PORCN: variants seen among roughly 807,000 people sequenced by gnomAD.
PORCN encodes the protein porcupine O-acyltransferase, also known as protein-serine O-palmitoleoyltransferase porcupine.
PORCN carries 1 observed loss-of-function variant against 43.0 expected under a neutral mutation model. The ratio of observed to expected loss-of-function variants is 0.02; its 90% CI spans 0.01 to 0.11. The LOEUF (loss-of-function observed/expected upper bound fraction) is 0.11. PORCN is among the 10% of genes least tolerant of loss of function. The pLI, the probability that PORCN is intolerant of heterozygous loss-of-function variation, is 1.00. For synonymous variants in PORCN, 148 were observed against 166.4 expected (o/e 0.89, Z 0.85); for missense variants, 240 against 392.1 (o/e 0.61, Z 3.28).
At chrX:48,513,866 G>A (rs1465647066) in intron 7 of PORCN, among the ~76,000 whole-genome samples, 3 of 112,466 alleles carry the variant, frequency 2.7e-5, no homozygotes, top group Non-Finnish European at 5.6e-5. Context: ...GTGAAGTCGG[G>A]CCTCTGATGG....
chrX:48,509,724 A>G, intron 1 of PORCN, 60 bp from the exon 2 acceptor site: 1 of 1,168,572 alleles, frequency 8.6e-7, no homozygotes, highest in Non-Finnish European at 1.1e-6. Context: ...GCCAGAGTGC[A>G]TCCTTTAAGC....
intron 13 of PORCN, among the ~76,000 whole-genome samples, chrX:48,516,389 T>G (rs1223134331): frequency 9.0e-6 from 1 of 111,678 alleles, no homozygotes. Flanking sequence ...GTTGGTGCTC[T>G]AGGTGCTGGA....
intron 14 of PORCN, among the ~76,000 whole-genome samples, chrX:48,517,620 C>G (rs1556975707): frequency 8.9e-6 from 1 of 112,235 alleles, no homozygotes; most frequent in Non-Finnish European, 1.9e-5. Context: ...GAGTTCAAGA[C>G]CAGCCTGGCC....
rs782256540 is a variant in PORCN, at chrX:48,514,367, T to TG, written c.845+9dup. 8.3e-6 allele frequency: 10 copies of TG among 1,205,706 alleles called. No homozygotes were observed. The highest frequency in any genetic ancestry group is 1.7e-5 in the African/African-American group (1 of 57,509). The stretch of plus-strand genomic sequence containing the variant: ...CGAGGAGAAGGATCACCTGGAATGG[T>TG]GGGGGGGCTTGGGGACCCCCTCTCC... On this transcript the variant is annotated splice_region_variant and intron_variant, in intron 9 of 14. Transcript: ENST00000326194.
chrX:48,511,186 T>G, intron 2 of PORCN, 109 bp from the exon 3 acceptor site: 32 of 680,618 alleles, frequency 4.7e-5, no homozygotes, highest in East Asian at 1.5e-4. Flanking sequence ...AACCTTCTCT[T>G]TCTTGTTCTC....
rs1556973874 is a variant in PORCN at position 48,511,440 on chromosome X, T to A, written c.282T>A (p.His94Gln). 3 of 1,210,895 alleles carry A rather than the reference T, an allele frequency of 2.5e-6. No individual in the cohort carries two copies. The highest frequency in any genetic ancestry group is 3.4e-6 in the Non-Finnish European group (3 of 895,173). ...LVLFLCRHSS[H>Q]RGVFLSVTIL... ...TGTTCCTCTGCCGACATTCCTCCCA[T>A]CGAGGCGTCTTCCTATCCGTCACCA... Residue 94 changes from histidine (H) to glutamine (Q), a missense_variant, in exon 3 of 15, where the codon CAT (histidine) becomes CAA (glutamine). Transcript: ENST00000326194.
At chrX:48,514,725 A>G in intron 10 of PORCN, 100 bp downstream of exon 10, 1 of 661,995 alleles carries the variant, frequency 1.5e-6, no homozygotes, top group African/African-American at 2.1e-5. Context: ...TAGGCACCCA[A>G]AATCCCTACC....
rs968374849 is a variant in PORCN at position 48,512,375 on chromosome X, G to A, written c.423G>A (p.Leu141=). The part of the protein sequence containing the change: ...AMKAVSLGFD[L]DRGEVGTVPS... The stretch of plus-strand genomic sequence containing the variant: ...AGGCAGTGTCTCTGGGCTTCGACCT[G>A]GACCGGGGCGAGGTGGGTACGGTGC... Residue 141 remains leucine, a synonymous_variant, in exon 5 of 15, where the codon CTG becomes CTA. Transcript: ENST00000326194. 5 of 1,210,313 alleles carry A rather than the reference G, an allele frequency of 4.1e-6. No individual in the cohort carries two copies. The highest frequency in any genetic ancestry group is 5.6e-6 in the Non-Finnish European group (5 of 895,268).
intron 10 of PORCN, among the ~76,000 whole-genome samples, chrX:48,514,876 C>T (rs1226552113): frequency 1.8e-5 from 2 of 111,459 alleles, no homozygotes; most frequent in African/African-American, 6.5e-5. Context: ...GGAGTGCTGG[C>T]AGGAGATAGG....
intron 11 of PORCN, 28 bp from the exon 12 acceptor site, chrX:48,515,862 C>T: frequency 8.3e-7 from 1 of 1,209,298 alleles, no homozygotes; most frequent in Non-Finnish European, 1.1e-6. Flanking sequence ...CTTCCTCACT[C>T]ATTTCATTGT....
chrX:48,517,811 C>CA (rs782590111), intron 14 of PORCN, among the ~76,000 whole-genome samples: 2,623 of 102,963 alleles, frequency 0.025, 92 homozygotes, highest in African/African-American at 0.082. Context: ...GAGACTCTCT[C>CA]AAAAAAAAAA....
At chrX:48,509,576 CT>C (rs1556973413) in intron 1 of PORCN, 3 of 1,110,559 alleles carry the variant, frequency 2.7e-6, no homozygotes, top group Non-Finnish European at 3.6e-6. Context: ...AGGTCACAGG[CT>C]GTGCGTGTGC....
rs782051492 is a variant in PORCN at position 48,514,561 on chromosome X, G to T, written c.882G>T (p.Leu294=). ...TGTCCAAGCCACTGAATGTGGAGCT[G>T]CCTCGGTCAATGGTGGAAGTTGTCA... ...LTVSKPLNVE[L]PRSMVEVVTS... Residue 294 remains leucine, a synonymous_variant, in exon 10 of 15, where the codon CTG becomes CTT. Coordinates refer to ENST00000326194, the MANE Select transcript of PORCN (RefSeq NM_203475.3). 5 of 1,212,003 alleles carry T rather than the reference G, an allele frequency of 4.1e-6. No individual in the cohort carries two copies. The highest frequency in any genetic ancestry group is 5.6e-6 in the Non-Finnish European group (5 of 895,394).
intron 10 of PORCN, chrX:48,515,406 G>T: frequency 2.7e-6 from 1 of 372,772 alleles, no homozygotes; most frequent in Non-Finnish European, 4.8e-6. Flanking sequence ...GGCATATTCT[G>T]AAGGTGGAAC....
intron 10 of PORCN, chrX:48,515,438 G>C: frequency 2.4e-6 from 1 of 414,384 alleles, no homozygotes; most frequent in Non-Finnish European, 4.2e-6. Context: ...GCTGAATTTG[G>C]ATGTGGGAGT....
chrX:48,511,447 G>T lies in PORCN; in HGVS notation c.289G>T (p.Val97Phe). 8.3e-7 allele frequency: 1 copy of T among 1,211,033 alleles called. No individual in the cohort carries two copies. The highest frequency in any genetic ancestry group is 1.1e-6 in the Non-Finnish European group (1 of 895,112). The change falls in exon 3 of 15, where the codon GTC (valine) becomes TTC (phenylalanine). Residue 97 changes from valine to phenylalanine, a missense_variant. Coordinates refer to ENST00000326194, the MANE Select transcript of PORCN (RefSeq NM_203475.3). The stretch of plus-strand genomic sequence containing the variant: ...CTGCCGACATTCCTCCCATCGAGGC[G>T]TCTTCCTATCCGTCACCATCCTCAT... ...FLCRHSSHRGVFLSVTILIYL... is the reference protein window; with the variant it reads ...FLCRHSSHRGFFLSVTILIYL...
chrX:48,511,643 A>G (rs1556973915), intron 3 of PORCN, among the ~76,000 whole-genome samples, 156 bp downstream of exon 3: 1 of 111,591 alleles, frequency 9.0e-6, no homozygotes, highest in African/African-American at 3.3e-5. Context: ...GAGACACAGA[A>G]CAGGTAGGAC....
At chrX:48,518,234 T>TA (rs2061733932) in intron 14 of PORCN, among the ~76,000 whole-genome samples, 1 of 109,697 alleles carries the variant, frequency 9.1e-6, no homozygotes, top group African/African-American at 3.3e-5. Context: ...TATATATATA[T>TA]TTTTAGACGG....
Position 48,517,166 on chromosome X carries a change from C to T in PORCN, c.1174-17C>T. 1 of 1,135,565 alleles carries T rather than the reference C, an allele frequency of 8.8e-7. No individual in the cohort carries two copies. The allele number at this position is 1,135,565 out of a possible 1,213,427, so 93.6% of individuals were successfully genotyped here. A position where few individuals can be genotyped will look rare whatever the true frequency, so the allele number is the denominator to read the frequency against. ...GAGTAGGTCCAGTTGCCAAGTATAT[C>T]CATCTGTCCCCCACAGGGCCTGGGG... On this transcript the variant is annotated splice_polypyrimidine_tract_variant and intron_variant, in intron 13 of 14. Coordinates refer to ENST00000326194, the MANE Select transcript of PORCN (RefSeq NM_203475.3).
Sources: gnomAD v4.1 joint callset for allele counts (sites outside exome capture counted in the v4.1 genomes callset) on GRCh38, gnomAD v4.1.1 for gene constraint, MANE v1.5 for transcripts, NCBI Gene and HGNC (gene_info 2026-07-23, HGNC 2026-07-21) for gene names.